Variants in MYO1E observed in about 807,000 individuals in gnomAD.
MYO1E encodes unconventional myosin-Ie.
In MYO1E, 68 loss-of-function variants were observed where a neutral mutation model predicts 151.1. The ratio of observed to expected loss-of-function variants is 0.45; its 90% CI spans 0.37 to 0.55. The LOEUF (loss-of-function observed/expected upper bound fraction) is 0.55. MYO1E is among the 20% of genes least tolerant of loss of function. MYO1E has a pLI of 0.00. For synonymous variants in MYO1E, 601 were observed against 501.7 expected, an observed-to-expected ratio of 1.20 and a Z score of -2.64; for missense variants, 1,363 against 1,389.3, an observed-to-expected ratio of 0.98 and a Z score of 0.30.
At chr15:59,260,755 T>C (rs1230629854) in intron 3 of MYO1E, among the ~76,000 whole-genome samples, 1 of 151,998 alleles carries the variant, frequency 6.6e-6, no homozygotes, top group Non-Finnish European at 1.5e-5. Context: ...TGCAAATCAG[T>C]ACCCATTGCT....
intron 1 of MYO1E, among the ~76,000 whole-genome samples, chr15:59,280,219 T>C (rs1266238669): frequency 6.6e-6 from 1 of 152,224 alleles, no homozygotes; most frequent in Non-Finnish European, 1.5e-5. Flanking sequence ...AAAAGGATCA[T>C]TTTCTATATC....
In MYO1E at chr15:59,179,224, C is replaced by T. The variant is rs551736302; in HGVS notation, c.1905-687G>A. On this transcript the variant is annotated intron_variant, in intron 18 of 27. Coordinates refer to ENST00000288235, the MANE Select transcript of MYO1E (RefSeq NM_004998.4). ...GGCTCCCGCTTGGGTGTCTCACCTT[C>T]AGTGACACTCCCAGACAGGCCTTCT... is the stretch of plus-strand genomic sequence containing the variant. Among the ~76,000 whole-genome samples, 6 of 152,304 alleles carry T rather than the reference C, an allele frequency of 3.9e-5. No individual in the cohort carries two copies. In the East Asian group the frequency reaches 1.2e-3, roughly 29 times the overall value.
At chr15:59,344,256 T>C (rs1325430598) in intron 1 of MYO1E, among the ~76,000 whole-genome samples, 1 of 152,250 alleles carries the variant, frequency 6.6e-6, no homozygotes, top group African/African-American at 2.4e-5. Flanking sequence ...AGTAACACTG[T>C]AGTTCTTGCG....
At chr15:59,363,218 C>G (rs1448610028) in intron 1 of MYO1E, among the ~76,000 whole-genome samples, 2 of 152,100 alleles carry the variant, frequency 1.3e-5, no homozygotes, top group South Asian at 2.1e-4. Context: ...ACCTCGTGAT[C>G]CACCCGCCTC....
At chr15:59,188,063 GA>G in intron 18 of MYO1E, 54 bp downstream of exon 18, 1 of 1,321,052 alleles carries the variant, frequency 7.6e-7, no homozygotes, top group South Asian at 1.2e-5. Flanking sequence ...GTATAGATTT[GA>G]ATTATAGCTC....
chr15:59,163,395 G>T, intron 22 of MYO1E, 92 bp from the exon 23 acceptor site: 1 of 1,315,060 alleles, frequency 7.6e-7, no homozygotes, highest in Non-Finnish European at 1.1e-6. Flanking sequence ...AATCCTGCAA[G>T]ATAGTGCTAA....
At chr15:59,347,666 G>A (rs1218559062) in intron 1 of MYO1E, among the ~76,000 whole-genome samples, 1 of 152,052 alleles carries the variant, frequency 6.6e-6, no homozygotes, top group Non-Finnish European at 1.5e-5. Flanking sequence ...AACAGAAGAG[G>A]CTAGAAACAT....
intron 14 of MYO1E, among the ~76,000 whole-genome samples, chr15:59,205,808 G>A (rs2079829766): frequency 2.0e-5 from 3 of 152,160 alleles, no homozygotes; most frequent in Admixed American, 2.0e-4. Context: ...TTCTTCAGTG[G>A]ATCCATAGGG....
chr15:59,284,377 C>T (rs1596400326), intron 1 of MYO1E, among the ~76,000 whole-genome samples: 1 of 152,234 alleles, frequency 6.6e-6, no homozygotes, highest in African/African-American at 2.4e-5. Context: ...AAACACAGTT[C>T]TCCTTCTCTT....
intron 1 of MYO1E, among the ~76,000 whole-genome samples, chr15:59,354,887 C>T (rs1392319068): frequency 6.6e-6 from 1 of 152,142 alleles, no homozygotes; most frequent in Non-Finnish European, 1.5e-5. Flanking sequence ...GCAGGAGCCC[C>T]ACCGAACCAC....
At chr15:59,240,838 C>A (rs1207353337) in intron 4 of MYO1E, among the ~76,000 whole-genome samples, 1 of 152,176 alleles carries the variant, frequency 6.6e-6, no homozygotes, top group Non-Finnish European at 1.5e-5. Flanking sequence ...AAAATGATGT[C>A]TACTTTTGTT....
At chr15:59,289,929 A>G (rs935575037) in intron 1 of MYO1E, among the ~76,000 whole-genome samples, 2 of 152,216 alleles carry the variant, frequency 1.3e-5, no homozygotes, top group Non-Finnish European at 2.9e-5. Context: ...TGTGAAATAT[A>G]ATATGGCATC....
intron 1 of MYO1E, among the ~76,000 whole-genome samples, chr15:59,371,503 A>G (rs1409510703): frequency 6.6e-6 from 1 of 151,976 alleles, no homozygotes; most frequent in African/African-American, 2.4e-5. Context: ...CCCGCAAAGA[A>G]AAGTACACCA....
chr15:59,167,202 T>A (rs2079567647), intron 22 of MYO1E, among the ~76,000 whole-genome samples: 1 of 152,210 alleles, frequency 6.6e-6, no homozygotes, highest in Non-Finnish European at 1.5e-5. Context: ...ACCAGGGAGC[T>A]GGAGCCTCTG....
At chr15:59,303,840 G>A (rs2140405477) in intron 1 of MYO1E, among the ~76,000 whole-genome samples, 1 of 152,214 alleles carries the variant, frequency 6.6e-6, no homozygotes, top group Middle Eastern at 3.4e-3. Context: ...ACTCTCTTCT[G>A]ATAAAATTAA....
At chr15:59,237,474 T>G (rs2080073655) in intron 4 of MYO1E, among the ~76,000 whole-genome samples, 1 of 152,236 alleles carries the variant, frequency 6.6e-6, no homozygotes. Flanking sequence ...CCTGAATTGA[T>G]AATGACCTCA....
chr15:59,186,518 C>T (rs558514783), intron 18 of MYO1E, among the ~76,000 whole-genome samples: 16 of 152,084 alleles, frequency 1.1e-4, no homozygotes, highest in Non-Finnish European at 2.1e-4. Flanking sequence ...ATAATCCCAA[C>T]ACTTTGGGAG....
At chr15:59,243,717 C>T (rs1388474340) in intron 4 of MYO1E, among the ~76,000 whole-genome samples, 2 of 152,178 alleles carry the variant, frequency 1.3e-5, no homozygotes, top group Admixed American at 6.5e-5. Context: ...TACTGATACA[C>T]ACCCATTTAA....
intron 15 of MYO1E, among the ~76,000 whole-genome samples, chr15:59,203,383 T>C (rs2079813653): frequency 9.0e-6 from 1 of 111,578 alleles, no homozygotes; most frequent in East Asian, 2.2e-4. Context: ...GAATATACTT[T>C]CTTTTTTTTT....
Sources: allele counts gnomAD v4.1 joint callset (sites outside exome capture counted in the v4.1 genomes callset), GRCh38; gene constraint gnomAD v4.1.1; transcripts MANE v1.5; gene names NCBI Gene and HGNC (gene_info 2026-07-23, HGNC 2026-07-21).